Variants in CWF19L2 observed in about 807,000 individuals in gnomAD.
CWF19L2 encodes CWF19 like cell cycle control factor 2.
In CWF19L2, 98 loss-of-function variants were observed where a neutral mutation model predicts 111.7. That is an observed-to-expected ratio of 0.88 (90% CI 0.75 to 1.04). The LOEUF (loss-of-function observed/expected upper bound fraction) is 1.04. CWF19L2 is among the 50% of genes least tolerant of loss of function. CWF19L2 has a pLI of 0.00. For synonymous variants in CWF19L2, 351 were observed against 342.9 expected, an observed-to-expected ratio of 1.02 and a Z score of -0.26; for missense variants, 1,101 against 1,051.4, an observed-to-expected ratio of 1.05 and a Z score of -0.65.
At chr11:107,403,942 A>T in intron 10 of CWF19L2, 1 of 884,792 alleles carries the variant, frequency 1.1e-6, no homozygotes, top group Non-Finnish European at 1.9e-6. Flanking sequence ...CCTGTCGTTT[A>T]AGGACCTGCA....
At position 107,411,089 on chromosome 11, in the gene CWF19L2, GCACACA is replaced by G. The variant is rs146846176; in HGVS notation, c.1617+5114_1617+5119del. ...GTGGTGTGTGTGTGCGCGCGTGCGTGCACACACACACACACACACACACACACACTA... is the reference window on the plus strand; with the variant it reads ...GTGGTGTGTGTGTGCGCGCGTGCGTGCACACACACACACACACACACACTA... On this transcript the variant is annotated intron_variant, in intron 10 of 17. Transcript: ENST00000282251. 7.7e-3 allele frequency among the ~76,000 whole-genome samples: 1,144 copies of G among 148,678 alleles called. 6 individuals are homozygous for G. The highest frequency in any genetic ancestry group is 0.018 in the African/African-American group (722 of 40,254).
intron 8 of CWF19L2, among the ~76,000 whole-genome samples, chr11:107,426,038 G>A (rs1450049931): frequency 3.3e-5 from 5 of 151,488 alleles, no homozygotes; most frequent in East Asian, 1.9e-4. Flanking sequence ...TAACATAATC[G>A]CAGGGCCTAA....
intron 6 of CWF19L2, among the ~76,000 whole-genome samples, chr11:107,435,325 G>C (rs1861525835): frequency 6.6e-6 from 1 of 151,192 alleles, no homozygotes. Context: ...GAGGAAGTTA[G>C]TCTAAATCCG....
intron 7 of CWF19L2, among the ~76,000 whole-genome samples, chr11:107,429,663 C>T (rs995564452): frequency 6.6e-6 from 1 of 151,876 alleles, no homozygotes; most frequent in African/African-American, 2.4e-5. Flanking sequence ...AAAAAGATTC[C>T]AAAAGGATAG....
At chr11:107,442,819 G>GGAGA in intron 4 of CWF19L2, 120 bp downstream of exon 4, 1 of 344,806 alleles carries the variant, frequency 2.9e-6, no homozygotes, top group South Asian at 2.8e-5. Context: ...AGGGAGGGAG[G>GGAGA]GGGAGGGAGG....
chr11:107,333,905 T>C (rs1321763391), intron 16 of CWF19L2, among the ~76,000 whole-genome samples: 1 of 152,188 alleles, frequency 6.6e-6, no homozygotes, highest in Non-Finnish European at 1.5e-5. Context: ...AATAAAATAC[T>C]TTAGGCTTCG....
At chr11:107,376,516 CAT>C (rs1304032953) in intron 12 of CWF19L2, among the ~76,000 whole-genome samples, 5 of 78,618 alleles carry the variant, frequency 6.4e-5, no homozygotes, top group Admixed American at 6.2e-4. Context: ...ACAAAAACCA[CAT>C]GATTATCTCA....
At chr11:107,454,047 G>A (rs894996782) in intron 3 of CWF19L2, among the ~76,000 whole-genome samples, 2 of 152,162 alleles carry the variant, frequency 1.3e-5, no homozygotes, top group African/African-American at 2.4e-5. Context: ...GGTCCCTGAT[G>A]GCACCTCTGG....
chr11:107,431,671 A>C (rs1277178254), intron 7 of CWF19L2, among the ~76,000 whole-genome samples: 1 of 152,174 alleles, frequency 6.6e-6, no homozygotes, highest in East Asian at 1.9e-4. Context: ...AGTGACTACC[A>C]CATAGTAGGT....
At chr11:107,410,989 T>C (rs1861148107) in intron 10 of CWF19L2, among the ~76,000 whole-genome samples, 1 of 152,106 alleles carries the variant, frequency 6.6e-6, no homozygotes, top group South Asian at 2.1e-4. Context: ...TCAATTTATT[T>C]GGTAGGGTCA....
At chr11:107,443,548 C>G (rs919695575) in intron 3 of CWF19L2, among the ~76,000 whole-genome samples, 2 of 151,808 alleles carry the variant, frequency 1.3e-5, no homozygotes, top group Non-Finnish European at 2.9e-5. Flanking sequence ...CCAAACACAA[C>G]CAAATTATTT....
chr11:107,410,422 A>G lies in CWF19L2; in HGVS notation c.1617+5787T>C, dbSNP rs1861140849. On this transcript the variant is annotated intron_variant, in intron 10 of 17. Coordinates refer to ENST00000282251, the MANE Select transcript of CWF19L2 (RefSeq NM_152434.3). Reference sequence around the variant, plus strand: ...ATATACTTAGTAAAGCTTGAACCAGATGTGCAAGTGTGCTTGAACCTTCTC... The same window carrying G: ...ATATACTTAGTAAAGCTTGAACCAGGTGTGCAAGTGTGCTTGAACCTTCTC... 5.3e-5 allele frequency among the ~76,000 whole-genome samples: 8 copies of G among 152,148 alleles called. 1 individual carries two copies. The South Asian group carries it at 1.7e-3, about 31-fold the overall frequency.
At chr11:107,416,447 T>C (rs957031730) in intron 9 of CWF19L2, 149 bp from the exon 10 acceptor site, 1 of 363,182 alleles carries the variant, frequency 2.8e-6, no homozygotes, top group African/African-American at 2.1e-5. Context: ...CATAGCCTAG[T>C]ATACTACTTT....
chr11:107,363,545 A>C lies in CWF19L2; in HGVS notation c.1873-9809T>G, dbSNP rs1389306658. Among the ~76,000 whole-genome samples, 3 of 146,638 alleles carry C rather than the reference A, an allele frequency of 2.0e-5. No individual in the cohort carries two copies. The South Asian group carries it at 6.6e-4, about 32-fold the overall frequency. On this transcript the variant is annotated intron_variant, in intron 12 of 17. Transcript: ENST00000282251. ...ACATTCTTAAAGAAAAGAATTTTCA[A>C]CCCAGAATTTCATATCCAGCCAAAC... is the stretch of plus-strand genomic sequence containing the variant.
intron 17 of CWF19L2, among the ~76,000 whole-genome samples, chr11:107,329,570 G>A (rs1859812434): frequency 6.6e-6 from 1 of 152,106 alleles, no homozygotes; most frequent in South Asian, 2.1e-4. Flanking sequence ...GGATTATTGT[G>A]AGCATTAAAT....
chr11:107,378,881 C>T (rs1424781566), intron 12 of CWF19L2, among the ~76,000 whole-genome samples: 4 of 151,696 alleles, frequency 2.6e-5, no homozygotes, highest in African/African-American at 9.7e-5. Context: ...AGTGTGATGG[C>T]AACAGGAACA....
At chr11:107,371,238 C>A (rs1173754630) in intron 12 of CWF19L2, among the ~76,000 whole-genome samples, 1 of 136,688 alleles carries the variant, frequency 7.3e-6, no homozygotes, top group Non-Finnish European at 1.6e-5. Flanking sequence ...CTCCTGACCT[C>A]GTGATCTGCC....
chr11:107,402,032 T>A (rs1418029019), intron 10 of CWF19L2, among the ~76,000 whole-genome samples: 1 of 152,114 alleles, frequency 6.6e-6, no homozygotes, highest in Non-Finnish European at 1.5e-5. Flanking sequence ...TAGCCACATG[T>A]AGGAGAATGA....
At position 107,326,875 on chromosome 11, in the gene CWF19L2, G is replaced by A; in HGVS notation, c.*35C>T. ...ATGCAATGGAAATAAAACTGAACGG[G>A]ATCTGAAGAAAAATTTTAAAATGGA... On this transcript the variant is annotated 3_prime_UTR_variant, in exon 18 of 18. Coordinates refer to ENST00000282251, the MANE Select transcript of CWF19L2 (RefSeq NM_152434.3). The A allele has an allele frequency of 6.5e-7, 1 of 1,541,766 alleles. No individual in the cohort carries two copies. Among genetic ancestry groups the A allele is most frequent in the Non-Finnish European group, 8.7e-7 (1 of 1,144,508 alleles).
Sources: gnomAD v4.1 joint callset for allele counts (sites outside exome capture counted in the v4.1 genomes callset) on GRCh38, gnomAD v4.1.1 for gene constraint, MANE v1.5 for transcripts, NCBI Gene and HGNC (gene_info 2026-07-23, HGNC 2026-07-21) for gene names.